The following KL variants were observed in gnomAD, a reference collection of about 807,000 sequenced individuals.
KL encodes klotho, also known as alpha-klotho.
Under a neutral mutation model 84.2 loss-of-function variants are expected in KL, and 62 were observed. The ratio of observed to expected loss-of-function variants is 0.74; its 90% CI spans 0.60 to 0.91. The LOEUF (loss-of-function observed/expected upper bound fraction) is 0.91, where lower values mean the gene tolerates loss of function less well. Among genes scored for constraint, KL ranks in the 40% least tolerant of loss-of-function variants. The pLI is 0.00. For synonymous variants in KL, 528 were observed against 528.0 expected (o/e 1.00, Z 0.00); for missense variants, 1,261 against 1,305.7 (o/e 0.97, Z 0.53).
At chr13:33,037,362 C>A (rs960681802) in intron 1 of KL, among the ~76,000 whole-genome samples, 3 of 152,114 alleles carry the variant, frequency 2.0e-5, no homozygotes, top group African/African-American at 7.2e-5. Context: ...ACCTGTAGAT[C>A]CAGCCAGAAA....
intron 1 of KL, among the ~76,000 whole-genome samples, chr13:33,023,175 G>A (rs943452562): frequency 3.3e-5 from 5 of 152,150 alleles, no homozygotes; most frequent in South Asian, 2.1e-4. Context: ...CTGAGGAGCC[G>A]GGTGCTCAGT....
At chr13:33,048,745 C>T (rs497050) in intron 1 of KL, among the ~76,000 whole-genome samples, 101,170 of 152,062 alleles carry the variant, frequency 0.67, 34,142 homozygotes, top group Admixed American at 0.76. Context: ...GGACCTGAGG[C>T]TCATCACCTG....
upstream of KL, chr13:33,016,394 C>G: frequency 1.4e-5 from 4 of 285,758 alleles, no homozygotes; most frequent in Non-Finnish European, 2.0e-5. Context: ...GGGGCGCGGG[C>G]ATAAAGGGGC....
At chr13:33,020,181 C>T (rs1870523722) in intron 1 of KL, among the ~76,000 whole-genome samples, 1 of 152,174 alleles carries the variant, frequency 6.6e-6, no homozygotes. Context: ...TTAATCTGGG[C>T]ATTGTTGAGC....
In KL at chr13:33,061,743, G is replaced by A. The variant is rs750897955; in HGVS notation, c.2664G>A (p.Val888=). 9 of 1,614,058 alleles carry A rather than the reference G, an allele frequency of 5.6e-6. No homozygotes were observed. The South Asian group carries it at 8.8e-5, about 16-fold the overall frequency. Residue 888 remains valine, a synonymous_variant, in exon 4 of 5, where the codon GTG becomes GTA. Transcript: ENST00000380099. ...ATGCTGAGGACGACCAGCTGAGGGT[G>A]TATTATATGCAGAATTACATAAACG... ...GLHAEDDQLR[V]YYMQNYINEA... is the part of the protein sequence containing the mutation.
rs113641166 is a variant in KL at position 33,060,110 on chromosome 13, C to G, written c.1600-569C>G. 8.0e-3 allele frequency among the ~76,000 whole-genome samples: 1,221 copies of G among 152,166 alleles called. 14 individuals are homozygous for G. The highest frequency in any genetic ancestry group is 0.016 in the African/African-American group (656 of 41,542). ...TCCCGAGCAACTAGGACTACAGGCC[C>G]GTGCCACCATGCCGGGCCAAGACGG... On this transcript the variant is annotated intron_variant, in intron 3 of 4. Coordinates refer to ENST00000380099, the MANE Select transcript of KL (RefSeq NM_004795.4).
intron 1 of KL, among the ~76,000 whole-genome samples, chr13:33,032,401 G>A (rs1014869450): frequency 6.6e-6 from 1 of 152,152 alleles, no homozygotes; most frequent in African/African-American, 2.4e-5. Context: ...AAGCTTGAAC[G>A]GGGTGGGGCA....
intron 1 of KL, among the ~76,000 whole-genome samples, chr13:33,045,787 C>G (rs1010586212): frequency 3.9e-5 from 6 of 152,162 alleles, no homozygotes; most frequent in South Asian, 2.1e-4. Flanking sequence ...CCCATAAATG[C>G]TTTTCTTAAT....
chr13:33,037,701 T>G (rs1472760794), intron 1 of KL, among the ~76,000 whole-genome samples: 1 of 152,108 alleles, frequency 6.6e-6, no homozygotes, highest in Non-Finnish European at 1.5e-5. Flanking sequence ...AGAAAATGCT[T>G]ATTAGTGTCT....
At chr13:33,016,339 G>T, upstream of KL, 1 of 152,118 alleles carries the variant, frequency 6.6e-6, no homozygotes, top group South Asian at 1.9e-4. Flanking sequence ...GGAGCCCGCC[G>T]GGGAGCGGGG....
At chr13:33,062,709 T>C (rs905384833) in intron 4 of KL, among the ~76,000 whole-genome samples, 1 of 143,668 alleles carries the variant, frequency 7.0e-6, no homozygotes, top group African/African-American at 2.6e-5. Flanking sequence ...TTAACCCAAG[T>C]ATATCATAGT....
intron 3 of KL, 127 bp downstream of exon 3, chr13:33,055,442 G>C: frequency 8.7e-7 from 1 of 1,146,932 alleles, no homozygotes. Context: ...TTCCTTATGA[G>C]TACACTAAGG....
intron 1 of KL, among the ~76,000 whole-genome samples, chr13:33,042,928 C>T (rs1010582644): frequency 6.6e-6 from 1 of 152,112 alleles, no homozygotes; most frequent in African/African-American, 2.4e-5. Flanking sequence ...GTGATCCACC[C>T]ACCTCGGCCT....
intron 1 of KL, among the ~76,000 whole-genome samples, chr13:33,030,373 A>G (rs1870932530): frequency 6.6e-6 from 1 of 152,164 alleles, no homozygotes; most frequent in Non-Finnish European, 1.5e-5. Context: ...TCCCTTCCAT[A>G]GTACTGATGC....
intron 1 of KL, among the ~76,000 whole-genome samples, chr13:33,041,939 T>G (rs1363925838): frequency 1.3e-5 from 2 of 152,226 alleles, no homozygotes; most frequent in East Asian, 3.9e-4. Context: ...TGTTTTCATT[T>G]GTTATCTCTC....
intron 2 of KL, 31 bp downstream of exon 2, chr13:33,054,308 G>C: frequency 6.2e-7 from 1 of 1,603,058 alleles, no homozygotes; most frequent in Non-Finnish European, 8.5e-7. Context: ...CTCATTTCCT[G>C]CCAAAATCTT....
chr13:33,030,146 T>G (rs566241750), intron 1 of KL, among the ~76,000 whole-genome samples: 17 of 152,136 alleles, frequency 1.1e-4, no homozygotes, highest in Non-Finnish European at 1.6e-4. Flanking sequence ...GATAACAGCA[T>G]TAATTCATTG....
At chr13:33,022,191 A>G (rs1870600882) in intron 1 of KL, among the ~76,000 whole-genome samples, 1 of 152,260 alleles carries the variant, frequency 6.6e-6, no homozygotes, top group African/African-American at 2.4e-5. Context: ...AGTAATGTCA[A>G]TGCACCTTCT....
In KL at chr13:33,061,167, A is replaced by G; in HGVS notation, c.2088A>G (p.Thr696=). 1 of 1,614,256 alleles carries G rather than the reference A, an allele frequency of 6.2e-7. No individual in the cohort carries two copies. Among genetic ancestry groups the G allele is most frequent in the Non-Finnish European group, 8.5e-7 (1 of 1,180,050 alleles). Residue 696 remains threonine (T), a synonymous_variant, in exon 4 of 5, where the codon ACA becomes ACG. Transcript: ENST00000380099. The part of the protein sequence containing the change: ...TMNEPYTRNM[T]YSAGHNLLKA... Reference sequence around the variant, plus strand: ...ATGAGCCGTATACAAGGAATATGACATACAGTGCTGGCCACAACCTTCTGA... The same window carrying G: ...ATGAGCCGTATACAAGGAATATGACGTACAGTGCTGGCCACAACCTTCTGA...
Sources: allele counts gnomAD v4.1 joint callset (sites outside exome capture counted in the v4.1 genomes callset), GRCh38; gene constraint gnomAD v4.1.1; transcripts MANE v1.5; gene names NCBI Gene and HGNC (gene_info 2026-07-23, HGNC 2026-07-21).